The following TYR variants were observed in gnomAD, a reference collection of about 807,000 sequenced individuals.
TYR encodes tyrosinase, also known as LB24-AB.
TYR carries 58 observed loss-of-function variants against 51.5 expected under a neutral mutation model. That is an observed-to-expected ratio of 1.13 (90% confidence interval 0.91 to 1.40). The LOEUF (loss-of-function observed/expected upper bound fraction) is 1.40, where lower values mean the gene tolerates loss of function less well. Among genes scored for constraint, TYR ranks in the 40% most tolerant of loss-of-function variants. The probability of loss-of-function intolerance (pLI) is 0.00; values close to 1 mark genes in which losing one functional copy is unlikely to be tolerated. For synonymous variants in TYR, 263 were observed against 235.2 expected, an observed-to-expected ratio of 1.12 and a Z score of -1.08; for missense variants, 732 against 647.4, an observed-to-expected ratio of 1.13 and a Z score of -1.42.
At chr11:89,214,699 C>T (rs1943810572) in intron 2 of TYR, among the ~76,000 whole-genome samples, 1 of 152,050 alleles carries the variant, frequency 6.6e-6, no homozygotes, top group Non-Finnish European at 1.5e-5. Context: ...ACTATGCAGC[C>T]ATAAAAAATG....
Position 89,191,419 on chromosome 11 carries a change from G to A in TYR, c.1036+1G>A, listed in dbSNP as rs763715899. On this transcript the variant is annotated splice_donor_variant, in intron 2 of 4. Coordinates refer to ENST00000263321, the MANE Select transcript of TYR (RefSeq NM_000372.5). LOFTEE classifies it high-confidence loss of function. ...TTCAGCTTTAGAAATACACTGGAAG[G>A]TAATCTCTTTCTTTTCACTTTTAAT... 2 of 1,612,360 alleles carry A rather than the reference G, an allele frequency of 1.2e-6. No individual in the cohort carries two copies. The highest frequency in any genetic ancestry group is 1.7e-5 in the Admixed American group (1 of 59,920).
At chr11:89,286,643 T>A (rs1369418760) in intron 4 of TYR, among the ~76,000 whole-genome samples, 1 of 151,814 alleles carries the variant, frequency 6.6e-6, no homozygotes, top group Non-Finnish European at 1.5e-5. Flanking sequence ...GAGGGATGAT[T>A]AATTGAAAAG....
At chr11:89,182,600 G>A (rs1163711006) in intron 1 of TYR, among the ~76,000 whole-genome samples, 1 of 152,050 alleles carries the variant, frequency 6.6e-6, no homozygotes, top group African/African-American at 2.4e-5. Context: ...TTAAAATCAG[G>A]TAATTAATTT....
intron 4 of TYR, among the ~76,000 whole-genome samples, chr11:89,293,131 C>A (rs1944868276): frequency 6.6e-6 from 1 of 151,958 alleles, no homozygotes; most frequent in African/African-American, 2.4e-5. Context: ...TTAAATGATA[C>A]ATTTAAATTG....
chr11:89,230,906 TAA>T (rs71052219), intron 3 of TYR, among the ~76,000 whole-genome samples: 14 of 139,280 alleles, frequency 1.0e-4, no homozygotes, highest in Non-Finnish European at 1.1e-4. Context: ...GAGACTATGT[TAA>T]AAAAAAAAAA....
At chr11:89,225,379 C>T (rs1489991545) in intron 2 of TYR, among the ~76,000 whole-genome samples, 2 of 151,716 alleles carry the variant, frequency 1.3e-5, no homozygotes, top group Admixed American at 6.6e-5. Flanking sequence ...TGAACTTATT[C>T]CTCCTATCTA....
chr11:89,249,469 G>GA (rs1400461603), intron 3 of TYR, among the ~76,000 whole-genome samples: 2 of 71,616 alleles, frequency 2.8e-5, no homozygotes, highest in Non-Finnish European at 5.1e-5. Context: ...AAGCCATGTA[G>GA]CCAAAAAAAA....
At chr11:89,197,195 A>C (rs778344977) in intron 2 of TYR, among the ~76,000 whole-genome samples, 12 of 152,148 alleles carry the variant, frequency 7.9e-5, no homozygotes, top group Non-Finnish European at 1.2e-4. Flanking sequence ...AAAAATGAGA[A>C]GTTCTACGTG....
chr11:89,278,088 T>G (rs888779174), intron 3 of TYR, among the ~76,000 whole-genome samples: 1 of 151,732 alleles, frequency 6.6e-6, no homozygotes, highest in African/African-American at 2.4e-5. Flanking sequence ...CAATTTTTAA[T>G]TCCTTGAATT....
chr11:89,284,915 A>ATCC lies in TYR; in HGVS notation c.1327_1328insTCC (p.Lys443delinsIleGln). On this transcript the variant is annotated protein_altering_variant, in exon 4 of 5. Transcript: ENST00000263321. ...AAATGGTGATTTCTTTATTTCATCCAAAGATCTGGGCTATGACTATAGCTA... is the reference window on the plus strand; with the variant it reads ...AAATGGTGATTTCTTTATTTCATCCATCCAAGATCTGGGCTATGACTATAGCTA... 1 of 1,611,786 alleles carries ATCC rather than the reference A, an allele frequency of 6.2e-7. No individual in the cohort carries two copies. The highest frequency in any genetic ancestry group is 8.5e-7 in the Non-Finnish European group (1 of 1,178,452).
In TYR at chr11:89,223,145, T is replaced by G. The variant is rs181064558; in HGVS notation, c.1037-4678T>G. On this transcript the variant is annotated intron_variant, in intron 2 of 4. Coordinates refer to ENST00000263321, the MANE Select transcript of TYR (RefSeq NM_000372.5). ...TTCATTGATTCCCCAACTACTAGCT[T>G]TAATGTATGTGTTATTTAACTTCTA... Among the ~76,000 whole-genome samples the G allele has an allele frequency of 9.2e-5, 14 of 152,286 alleles. No homozygotes were observed. In the East Asian group the frequency reaches 2.5e-3, roughly 27 times the overall value.
intron 3 of TYR, among the ~76,000 whole-genome samples, chr11:89,255,718 A>G (rs1944382659): frequency 6.6e-6 from 1 of 151,676 alleles, no homozygotes; most frequent in Admixed American, 6.6e-5. Flanking sequence ...TCTACTTCTT[A>G]TCCTTTTGAT....
At chr11:89,218,132 T>G (rs1458573723) in intron 2 of TYR, among the ~76,000 whole-genome samples, 1 of 152,154 alleles carries the variant, frequency 6.6e-6, no homozygotes, top group Non-Finnish European at 1.5e-5. Flanking sequence ...GAGAGGCCTA[T>G]AACATAAAAA....
intron 3 of TYR, among the ~76,000 whole-genome samples, chr11:89,236,055 G>A (rs1944106184): frequency 6.6e-6 from 1 of 152,104 alleles, no homozygotes; most frequent in Non-Finnish European, 1.5e-5. Flanking sequence ...TTGGAACACA[G>A]CCATGATATT....
intron 2 of TYR, among the ~76,000 whole-genome samples, chr11:89,198,033 G>A (rs1396932973): frequency 6.6e-6 from 1 of 152,068 alleles, no homozygotes; most frequent in Non-Finnish European, 1.5e-5. Context: ...AATCTACAGA[G>A]TGGTAAATGA....
At chr11:89,226,676 T>C (rs1216115962) in intron 2 of TYR, among the ~76,000 whole-genome samples, 3 of 152,124 alleles carry the variant, frequency 2.0e-5, no homozygotes, top group South Asian at 2.1e-4. Context: ...AGGAAGATAT[T>C]GCCAATAAAA....
chr11:89,226,451 A>G (rs977126689), intron 2 of TYR, among the ~76,000 whole-genome samples: 1 of 152,108 alleles, frequency 6.6e-6, no homozygotes, highest in Non-Finnish European at 1.5e-5. Flanking sequence ...TGTCATAGAC[A>G]AAACTGTGTA....
chr11:89,291,615 T>G (rs530961319), intron 4 of TYR, among the ~76,000 whole-genome samples: 1 of 152,116 alleles, frequency 6.6e-6, no homozygotes, highest in Non-Finnish European at 1.5e-5. Flanking sequence ...TACACATAAG[T>G]TGTTAAGCAT....
At chr11:89,272,714 C>A (rs1173223634) in intron 3 of TYR, among the ~76,000 whole-genome samples, 2 of 151,882 alleles carry the variant, frequency 1.3e-5, no homozygotes, top group Non-Finnish European at 2.9e-5. Flanking sequence ...ATTTGTCTAC[C>A]TTGAAATTTG....
Sources: allele counts gnomAD v4.1 joint callset (sites outside exome capture counted in the v4.1 genomes callset), GRCh38; gene constraint gnomAD v4.1.1; transcripts MANE v1.5; gene names NCBI Gene and HGNC (gene_info 2026-07-23, HGNC 2026-07-21).